The following CHD7 variants were observed in gnomAD, a reference collection of about 807,000 sequenced individuals.
CHD7 encodes chromodomain helicase DNA binding protein 7, also known as ATP-dependent chromatin remodeler CHD7.
CHD7 carries 24 observed loss-of-function variants against 307.3 expected under a neutral mutation model. The observed-to-expected ratio is 0.08, with a 90% CI of 0.06 to 0.11. The LOEUF is 0.11. Among genes scored for constraint, CHD7 ranks in the 10% least tolerant of loss-of-function variants. The probability of loss-of-function intolerance (pLI) is 1.00; values close to 1 mark genes in which losing one functional copy is unlikely to be tolerated. For missense variants in CHD7, 3,106 were observed against 3,727.1 expected (o/e 0.83, Z 4.34); for synonymous variants, 1,363 against 1,349.9 (o/e 1.01, Z -0.21).
intron 1 of CHD7, among the ~76,000 whole-genome samples, chr8:60,717,033 C>CTT (rs57809302): frequency 1.5e-5 from 2 of 134,966 alleles, no homozygotes; most frequent in Admixed American, 7.4e-5. Flanking sequence ...TACCTTAAGC[C>CTT]TTTTTTTTTT....
chr8:60,723,196 T>TA (rs1022915178), intron 1 of CHD7, among the ~76,000 whole-genome samples: 1 of 152,228 alleles, frequency 6.6e-6, no homozygotes, highest in Non-Finnish European at 1.5e-5. Flanking sequence ...TGGTGGTAGT[T>TA]ACAGGTTTTC....
At position 60,795,107 on chromosome 8, in the gene CHD7, G is replaced by A. The variant is rs776372236; in HGVS notation, c.2218G>A (p.Asp740Asn). ...CCCACCATCTCCTCCTCCTGAAGAA[G>A]ATGAGGACCCAGGTGTTCAGGTAAT... ...TPPPSPPPEEDEDPGVQKRRS... is the reference protein window; with the variant it reads ...TPPPSPPPEENEDPGVQKRRS... Residue 740 changes from aspartate to asparagine, a missense_variant, in exon 4 of 38, where the codon GAT becomes AAT. Around this residue, in one of 10 missense-constraint regions of CHD7, gnomAD observed 998 missense variants for 1,004.5 expected, o/e 0.99. Transcript: ENST00000423902. 5.6e-6 allele frequency: 9 copies of A among 1,613,630 alleles called. No individual in the cohort carries two copies. Among genetic ancestry groups the A allele is most frequent in the Non-Finnish European group, 6.8e-6 (8 of 1,179,732 alleles).
chr8:60,773,909 G>A (rs573875632), intron 2 of CHD7, among the ~76,000 whole-genome samples: 13 of 152,232 alleles, frequency 8.5e-5, no homozygotes, highest in African/African-American at 3.1e-4. Context: ...CTTTAGTTCG[G>A]AACTAAACTA....
At position 60,860,989 on chromosome 8, in the gene CHD7, C is replaced by G; in HGVS notation, c.7694C>G (p.Pro2565Arg). The part of the protein sequence containing the change: ...RNIPSPGQLD[P>R]DTRIPVINLE... ...ATTCCTTCTCCCGGACAGCTGGACC[C>G]AGACACACGGATCCCTGTTATCAAT... Residue 2565 changes from proline to arginine, a missense_variant, in exon 35 of 38, where the codon CCA becomes CGA. By Grantham distance (103) the Pro-to-Arg change is moderately radical. This residue lies in a region of CHD7 where 1,030 missense variants were observed against 1,165.4 expected (regional missense o/e 0.88). Coordinates refer to ENST00000423902, the MANE Select transcript of CHD7 (RefSeq NM_017780.4). 1 of 1,614,024 alleles carries G rather than the reference C, an allele frequency of 6.2e-7. No homozygotes were observed. Among genetic ancestry groups the G allele is most frequent in the Non-Finnish European group, 8.5e-7 (1 of 1,179,900 alleles).
At chr8:60,748,003 A>G (rs568951204) in intron 2 of CHD7, among the ~76,000 whole-genome samples, 1 of 152,288 alleles carries the variant, frequency 6.6e-6, no homozygotes, top group East Asian at 1.9e-4. Context: ...AATGTCAAAC[A>G]TTTTCATAGT....
At chr8:60,750,066 T>C (rs114798803) in intron 2 of CHD7, among the ~76,000 whole-genome samples, 2,201 of 152,326 alleles carry the variant, frequency 0.014, 64 homozygotes, top group African/African-American at 0.05. Context: ...TCTGAAAGCA[T>C]GAATGGCTGA....
intron 7 of CHD7, chr8:60,809,690 A>G (rs1402935574): frequency 1.3e-5 from 2 of 150,414 alleles, no homozygotes; most frequent in Non-Finnish European, 3.0e-5. Context: ...AAAAAAAAAA[A>G]AAAAGAAAAA....
chr8:60,862,797 T>G, intron 37 of CHD7, 145 bp downstream of exon 37: 1 of 592,072 alleles, frequency 1.7e-6, no homozygotes. Context: ...CATACATCAT[T>G]TCATACATCA....
chr8:60,827,990 A>G (rs1804332995), intron 13 of CHD7, among the ~76,000 whole-genome samples: 1 of 152,160 alleles, frequency 6.6e-6, no homozygotes, highest in Non-Finnish European at 1.5e-5. Context: ...TGTATTGCAT[A>G]TATGAAAATA....
chr8:60,794,188 A>G (rs1282160704), intron 3 of CHD7, among the ~76,000 whole-genome samples: 4 of 152,338 alleles, frequency 2.6e-5, no homozygotes, highest in Admixed American at 2.6e-4. Context: ...AAATGTACAT[A>G]AAGTCAGGTA....
At chr8:60,682,901 G>C (rs1211966124) in intron 1 of CHD7, among the ~76,000 whole-genome samples, 1 of 152,204 alleles carries the variant, frequency 6.6e-6, no homozygotes, top group East Asian at 1.9e-4. Flanking sequence ...TTGTAAGACA[G>C]TGATTCTTTT....
At chr8:60,789,409 G>T (rs1811662799) in intron 3 of CHD7, among the ~76,000 whole-genome samples, 1 of 152,190 alleles carries the variant, frequency 6.6e-6, no homozygotes, top group South Asian at 2.1e-4. Context: ...AAACAAACCT[G>T]ATTAATTCTC....
At chr8:60,728,212 C>T (rs1045527806) in intron 1 of CHD7, among the ~76,000 whole-genome samples, 16 of 152,222 alleles carry the variant, frequency 1.1e-4, no homozygotes, top group Admixed American at 3.3e-4. Context: ...ACTCTGAAAG[C>T]TGGAACAGAT....
At position 60,824,038 on chromosome 8, in the gene CHD7, T is replaced by A. The variant is rs907268846; in HGVS notation, c.3378+22T>A. 5 of 1,602,320 alleles carry A rather than the reference T, an allele frequency of 3.1e-6. No homozygotes were observed. The African/African-American group carries it at 6.7e-5, about 21-fold the overall frequency. On this transcript the variant is annotated intron_variant, in intron 13 of 37. Transcript: ENST00000423902. ...CTTGGTCAGTGACCATATTGGTGAT[T>A]GCACTGAACCTGAATAGAATTGTTG...
chr8:60,698,004 C>T (rs1053423822), intron 1 of CHD7, among the ~76,000 whole-genome samples: 2 of 152,230 alleles, frequency 1.3e-5, no homozygotes, highest in Non-Finnish European at 2.9e-5. Context: ...TGTCAACACA[C>T]TGGGTACCAT....
intron 2 of CHD7, among the ~76,000 whole-genome samples, chr8:60,774,330 G>GT: frequency 6.6e-6 from 1 of 152,214 alleles, no homozygotes; most frequent in Admixed American, 6.5e-5. Context: ...GCCTCATAGG[G>GT]CATTACAGGA....
chr8:60,777,021 A>T lies in CHD7; in HGVS notation c.1666-3979A>T, dbSNP rs141866300. 4.9e-3 allele frequency among the ~76,000 whole-genome samples: 747 copies of T among 152,276 alleles called. 19 individuals carry two copies. Among genetic ancestry groups the T allele is most frequent in the Admixed American group, 0.043 (652 of 15,294 alleles). ...AAAGCTTGTATTTATGTTACTTGGG[A>T]CTTAATTGGCCTGCCTCTTCTTCAC... On this transcript the variant is annotated intron_variant, in intron 2 of 37. Transcript: ENST00000423902.
At chr8:60,816,524 T>C (rs1185371640) in intron 8 of CHD7, 23 bp downstream of exon 8, 1 of 1,296,444 alleles carries the variant, frequency 7.7e-7, no homozygotes, top group East Asian at 2.4e-5. Context: ...TGCTTACTTT[T>C]CCAAAGTATT....
chr8:60,744,645 G>A (rs1809233983), intron 2 of CHD7, among the ~76,000 whole-genome samples: 1 of 151,844 alleles, frequency 6.6e-6, no homozygotes, highest in African/African-American at 2.4e-5. Flanking sequence ...CTGAGATCAG[G>A]AGTTCAATGC....
Sources: gnomAD v4.1 joint callset for allele counts (sites outside exome capture counted in the v4.1 genomes callset) on GRCh38, gnomAD v4.1.1 for gene constraint, gnomAD v4.1.1 regional missense constraint, MANE v1.5 for transcripts, NCBI Gene and HGNC (gene_info 2026-07-23, HGNC 2026-07-21) for gene names.